ARHGAP26: variants seen among roughly 807,000 people sequenced by gnomAD.
ARHGAP26 encodes the protein Rho GTPase activating protein 26.
In ARHGAP26, 38 loss-of-function variants were observed where a neutral mutation model predicts 104.8. That is an observed-to-expected ratio of 0.36 (90% CI 0.28 to 0.48). The LOEUF (loss-of-function observed/expected upper bound fraction) is 0.48. Among genes scored for constraint, ARHGAP26 ranks in the 20% least tolerant of loss-of-function variants. ARHGAP26 has a pLI of 0.99. For missense variants in ARHGAP26, 704 were observed against 947.9 expected (o/e 0.74, Z 3.38); for synonymous variants, 341 against 340.0 (o/e 1.00, Z -0.03).
At chr5:143,067,009 G>A (rs1304947175) in intron 17 of ARHGAP26, among the ~76,000 whole-genome samples, 1 of 151,264 alleles carries the variant, frequency 6.6e-6, no homozygotes, top group African/African-American at 2.4e-5. Context: ...TTCCATGGAG[G>A]TTACCTCCCC....
chr5:142,879,148 A>G (rs935162077), intron 3 of ARHGAP26, among the ~76,000 whole-genome samples: 1 of 152,188 alleles, frequency 6.6e-6, no homozygotes, highest in Non-Finnish European at 1.5e-5. Context: ...CTTTTAAATA[A>G]TCAGTATTAA....
chr5:143,041,224 A>G (rs1783424461), intron 13 of ARHGAP26, among the ~76,000 whole-genome samples: 1 of 152,228 alleles, frequency 6.6e-6, no homozygotes, highest in South Asian at 2.1e-4. Flanking sequence ...TTAGATGTTT[A>G]ATTTAAAAGT....
At chr5:142,814,340 T>C (rs1479688933) in intron 1 of ARHGAP26, among the ~76,000 whole-genome samples, 2 of 152,268 alleles carry the variant, frequency 1.3e-5, no homozygotes, top group African/African-American at 4.8e-5. Flanking sequence ...GTTTGGAATC[T>C]GTTGACTTTG....
Position 143,179,374 on chromosome 5 carries a change from A to G in ARHGAP26, c.1989-27824A>G, listed in dbSNP as rs115850993. 5.1e-3 allele frequency among the ~76,000 whole-genome samples: 781 copies of G among 152,340 alleles called. 7 individuals are homozygous for G. Among genetic ancestry groups the G allele is most frequent in the Non-Finnish European group, 8.5e-3 (577 of 68,030 alleles). On this transcript the variant is annotated intron_variant, in intron 20 of 22. Coordinates refer to ENST00000645722, the MANE Select transcript of ARHGAP26 (RefSeq NM_001135608.3). ...CAGCGAAGAGAGCTGTGGGAGCCCA[A>G]GTGAAAACAGGGACTGCATCAACTT...
intron 18 of ARHGAP26, among the ~76,000 whole-genome samples, chr5:143,123,092 T>C (rs1164873745): frequency 1.3e-5 from 2 of 152,190 alleles, no homozygotes; most frequent in Non-Finnish European, 2.9e-5. Context: ...ACAGCCAGCC[T>C]CCAAAATGGC....
chr5:142,904,913 T>C (rs1760899174), intron 8 of ARHGAP26, among the ~76,000 whole-genome samples: 1 of 152,168 alleles, frequency 6.6e-6, no homozygotes, highest in Admixed American at 6.5e-5. Flanking sequence ...GTTTCACTAA[T>C]TATTCTATTT....
chr5:143,086,225 A>G (rs1176753940), intron 17 of ARHGAP26, among the ~76,000 whole-genome samples: 1 of 152,248 alleles, frequency 6.6e-6, no homozygotes, highest in Non-Finnish European at 1.5e-5. Context: ...TAAGTTGCAT[A>G]TAGCCATTCA....
intron 17 of ARHGAP26, among the ~76,000 whole-genome samples, chr5:143,111,609 GA>G (rs1794777184): frequency 6.6e-6 from 1 of 152,198 alleles, no homozygotes; most frequent in Non-Finnish European, 1.5e-5. Flanking sequence ...AGACAGGCAG[GA>G]AATAAAGGAA....
intron 20 of ARHGAP26, among the ~76,000 whole-genome samples, chr5:143,155,981 G>A (rs979826893): frequency 6.6e-6 from 1 of 152,146 alleles, no homozygotes; most frequent in African/African-American, 2.4e-5. Flanking sequence ...GTAAGTGTTA[G>A]GCATTTTAAA....
At chr5:142,911,213 G>A (rs1051026770) in intron 9 of ARHGAP26, among the ~76,000 whole-genome samples, 28 of 152,104 alleles carry the variant, frequency 1.8e-4, no homozygotes, top group African/African-American at 6.8e-4. Flanking sequence ...TCTTTTGATT[G>A]AAACCCTTCT....
intron 17 of ARHGAP26, among the ~76,000 whole-genome samples, chr5:143,082,259 G>T (rs1047830484): frequency 6.6e-6 from 1 of 152,074 alleles, no homozygotes; most frequent in South Asian, 2.1e-4. Flanking sequence ...CCCTGGAGGT[G>T]TTAGGAAAAA....
intron 17 of ARHGAP26, among the ~76,000 whole-genome samples, chr5:143,060,653 A>G (rs1786564672): frequency 6.6e-6 from 1 of 151,838 alleles, no homozygotes; most frequent in Non-Finnish European, 1.5e-5. Context: ...GGAATCTAGT[A>G]TACAGTCTGG....
chr5:142,899,542 T>C (rs1276836184), intron 6 of ARHGAP26, among the ~76,000 whole-genome samples: 1 of 152,152 alleles, frequency 6.6e-6, no homozygotes, highest in African/African-American at 2.4e-5. Flanking sequence ...ACCCCTCTTA[T>C]TTGATAACCA....
chr5:142,855,812 C>G (rs1338021193), intron 1 of ARHGAP26, among the ~76,000 whole-genome samples: 1 of 152,220 alleles, frequency 6.6e-6, no homozygotes, highest in Non-Finnish European at 1.5e-5. Context: ...GACTTATATA[C>G]TCTCACTTGT....
intron 11 of ARHGAP26, among the ~76,000 whole-genome samples, chr5:142,974,691 TC>T (rs1459398920): frequency 2.0e-5 from 3 of 152,210 alleles, no homozygotes; most frequent in Non-Finnish European, 2.9e-5. Flanking sequence ...AGCTTTTCCT[TC>T]CATCCTCGCT....
chr5:142,797,992 A>G (rs1761333317), intron 1 of ARHGAP26, among the ~76,000 whole-genome samples: 1 of 152,114 alleles, frequency 6.6e-6, no homozygotes, highest in African/African-American at 2.4e-5. Flanking sequence ...CTTTTCCGCT[A>G]TGTCCCAGCC....
At chr5:142,896,804 G>C (rs77047605) in intron 6 of ARHGAP26, among the ~76,000 whole-genome samples, 190 of 152,198 alleles carry the variant, frequency 1.2e-3, no homozygotes, top group African/African-American at 4.2e-3. Flanking sequence ...ATTTCTCTGA[G>C]CCTTACTTTC....
At position 143,224,675 on chromosome 5, in the gene ARHGAP26, A is replaced by G. The variant is rs1405304280; in HGVS notation, c.*2229A>G. 3 of 230,076 alleles carry G rather than the reference A, an allele frequency of 1.3e-5. No homozygotes were observed. In the East Asian group the frequency reaches 1.9e-4, roughly 14 times the overall value. 14.3% of individuals were successfully genotyped at this position (230,076 alleles called of 1,614,324 possible). ...TTTTCAAATTTTGTGTGCGTCTGTA[A>G]GTTCTTAAAGAACCAGCTTCTTAGA... On this transcript the variant is annotated 3_prime_UTR_variant, in exon 23 of 23. Coordinates refer to ENST00000645722, the MANE Select transcript of ARHGAP26 (RefSeq NM_001135608.3).
At chr5:142,984,634 T>G (rs896122416) in intron 11 of ARHGAP26, among the ~76,000 whole-genome samples, 2 of 152,174 alleles carry the variant, frequency 1.3e-5, no homozygotes. Flanking sequence ...TCACACACCA[T>G]ATAAAGATGT....
Sources: allele counts gnomAD v4.1 joint callset (sites outside exome capture counted in the v4.1 genomes callset), GRCh38; gene constraint gnomAD v4.1.1; transcripts MANE v1.5; gene names NCBI Gene and HGNC (gene_info 2026-07-23, HGNC 2026-07-21).